SLC67A2: variants seen among roughly 807,000 people sequenced by gnomAD.
SLC67A2 encodes solute carrier family 67 member 2.
the SLC67A2 span, among the ~76,000 whole-genome samples, chr2:102,731,398 A>G: frequency 0.24 from 36,915 of 152,108 alleles, 4,562 homozygotes; most frequent in African/African-American, 0.31. Flanking sequence ...ATGAAACAGC[A>G]TAGAGAGTAC....
the SLC67A2 span, chr2:102,736,675 G>A: frequency 6.2e-7 from 1 of 1,613,696 alleles, no homozygotes; most frequent in Non-Finnish European, 8.5e-7. Context: ...AGACAGAGCA[G>A]GAAGCGGCGG....
At chr2:102,726,816 G>GGAA in the SLC67A2 span, 3 of 1,303,046 alleles carry the variant, frequency 2.3e-6, no homozygotes, top group Admixed American at 3.4e-5. Flanking sequence ...AGCTACGTTT[G>GGAA]AAAAAAAAAA....
chr2:102,718,794 G>T, the SLC67A2 span: 19 of 1,613,820 alleles, frequency 1.2e-5, no homozygotes, highest in African/African-American at 2.3e-4. Flanking sequence ...AGCAGTGCCT[G>T]CGAGTTGTGC....
the SLC67A2 span, chr2:102,723,662 G>T: frequency 6.3e-7 from 1 of 1,579,074 alleles, no homozygotes; most frequent in Non-Finnish European, 8.7e-7. Context: ...TGGTCAGTAT[G>T]AATACACAAA....
At chr2:102,732,793 C>A in the SLC67A2 span, among the ~76,000 whole-genome samples, 2 of 152,100 alleles carry the variant, frequency 1.3e-5, no homozygotes, top group Non-Finnish European at 2.9e-5. Context: ...TGTCCTAGGA[C>A]CTGTAGTTTA....
the SLC67A2 span, among the ~76,000 whole-genome samples, chr2:102,727,159 G>A: frequency 5.3e-5 from 8 of 151,868 alleles, no homozygotes; most frequent in African/African-American, 1.9e-4. Flanking sequence ...CACAGTGAAT[G>A]GAAAAACACA....
the SLC67A2 span, among the ~76,000 whole-genome samples, chr2:102,729,837 T>C: frequency 2.0e-5 from 3 of 152,198 alleles, no homozygotes; most frequent in Non-Finnish European, 2.9e-5. Context: ...AAATCTAATA[T>C]ATGAAATACT....
At chr2:102,723,704 A>G in the SLC67A2 span, 1 of 1,613,912 alleles carries the variant, frequency 6.2e-7, no homozygotes, top group African/African-American at 1.3e-5. Flanking sequence ...ACTTACCAGC[A>G]TTGAGAATGA....
At chr2:102,730,928 A>C in the SLC67A2 span, 3 of 960,226 alleles carry the variant, frequency 3.1e-6, no homozygotes, top group African/African-American at 1.6e-5. Flanking sequence ...ATTACAATTT[A>C]AAGGTGTTCT....
the SLC67A2 span, among the ~76,000 whole-genome samples, chr2:102,726,140 G>A: frequency 6.6e-5 from 10 of 152,150 alleles, no homozygotes; most frequent in Non-Finnish European, 7.4e-5. Context: ...CAGCAAACTC[G>A]CCCACAAGCT....
At chr2:102,733,605 T>C in the SLC67A2 span, among the ~76,000 whole-genome samples, 1 of 152,164 alleles carries the variant, frequency 6.6e-6, no homozygotes, top group African/African-American at 2.4e-5. Flanking sequence ...TGGGTCTGAG[T>C]CCATTTCTTT....
At chr2:102,724,316 T>C in the SLC67A2 span, among the ~76,000 whole-genome samples, 1 of 152,122 alleles carries the variant, frequency 6.6e-6, no homozygotes, top group Non-Finnish European at 1.5e-5. Context: ...GCATGCCTAC[T>C]CTATGGCCAG....
At chr2:102,728,797 T>C in the SLC67A2 span, among the ~76,000 whole-genome samples, 1 of 152,286 alleles carries the variant, frequency 6.6e-6, no homozygotes, top group Admixed American at 6.5e-5. Flanking sequence ...TCTCTCTACC[T>C]GTAAAACAAG....
chr2:102,722,202 A>G, the SLC67A2 span, among the ~76,000 whole-genome samples: 1 of 152,272 alleles, frequency 6.6e-6, no homozygotes, highest in Non-Finnish European at 1.5e-5. Flanking sequence ...AAGGAAGCAG[A>G]TATTTCAGTC....
the SLC67A2 span, among the ~76,000 whole-genome samples, chr2:102,732,985 A>G: frequency 1.2e-3 from 189 of 152,324 alleles, no homozygotes; most frequent in African/African-American, 4.4e-3. Flanking sequence ...TTGGAAAGCT[A>G]CTTAAAGTTA....
the SLC67A2 span, among the ~76,000 whole-genome samples, chr2:102,734,096 T>C: frequency 2.6e-5 from 4 of 152,178 alleles, no homozygotes; most frequent in African/African-American, 7.2e-5. Context: ...ATGTAACCAC[T>C]TGTAAAAAGA....
the SLC67A2 span, among the ~76,000 whole-genome samples, chr2:102,727,135 C>A: frequency 6.6e-6 from 1 of 151,914 alleles, no homozygotes; most frequent in Admixed American, 6.6e-5. Context: ...AAGTTATTTT[C>A]TCTGATCTTC....
the SLC67A2 span, among the ~76,000 whole-genome samples, chr2:102,732,638 G>A: frequency 6.6e-6 from 1 of 152,138 alleles, no homozygotes; most frequent in Admixed American, 6.5e-5. Flanking sequence ...ATATGCTACA[G>A]AAGTTCCTCA....
the SLC67A2 span, among the ~76,000 whole-genome samples, chr2:102,715,176 T>C: frequency 0.051 from 7,709 of 152,244 alleles, 593 homozygotes; most frequent in African/African-American, 0.17. Context: ...TAATCCTCCT[T>C]GCTGCGGCTA....
Sources: allele counts gnomAD v4.1 joint callset (sites outside exome capture counted in the v4.1 genomes callset), GRCh38; gene constraint gnomAD v4.1.1; transcripts MANE v1.5; gene names NCBI Gene and HGNC (gene_info 2026-07-23, HGNC 2026-07-21).